Variants in KCNV2 observed in about 807,000 individuals in gnomAD.
KCNV2 encodes the protein potassium voltage-gated channel subfamily V member 2.
Under a neutral mutation model 37.0 loss-of-function variants are expected in KCNV2, and 65 were observed. The ratio of observed to expected loss-of-function variants is 1.76; its 90% CI spans 1.44 to 2.16. The LOEUF is 2.16. KCNV2 is among the 30% of genes most tolerant of loss of function. KCNV2 has a pLI of 0.00. For synonymous variants in KCNV2, 518 were observed against 328.6 expected, an observed-to-expected ratio of 1.58 and a Z score of -6.23; for missense variants, 1,232 against 766.7, an observed-to-expected ratio of 1.61 and a Z score of -7.17.
rs148096197 is a variant in KCNV2, at chr9:2,718,880, C to G, written c.1141C>G (p.Leu381Val). ...KVGQVLRVMR[L>V]MRIFRILKLA... The stretch of plus-strand genomic sequence containing the variant: ...GGGTCAGGTGTTGCGCGTCATGCGC[C>G]TCATGCGCATCTTCCGCATCCTCAA... The change falls in exon 1 of 2, where the codon CTC becomes GTC. Residue 381 changes from leucine (L) to valine (V), a missense_variant. Coordinates refer to ENST00000382082, the MANE Select transcript of KCNV2 (RefSeq NM_133497.4). 6.2e-7 allele frequency: 1 copy of G among 1,608,800 alleles called. No homozygotes were observed. The highest frequency in any genetic ancestry group is 1.3e-5 in the African/African-American group (1 of 74,950).
intron 1 of KCNV2, among the ~76,000 whole-genome samples, chr9:2,722,472 TAAGTTATTTATAAATAG>T (rs1182283545): frequency 7.3e-6 from 1 of 137,436 alleles, no homozygotes; most frequent in Non-Finnish European, 1.6e-5. Context: ...TATTTATAAA[TAAGTTATTTATAAATAG>T]AAGTTATTTA....
At chr9:2,727,516 G>A (rs554537263) in intron 1 of KCNV2, among the ~76,000 whole-genome samples, 1 of 152,122 alleles carries the variant, frequency 6.6e-6, no homozygotes, top group Non-Finnish European at 1.5e-5. Context: ...TCACCCCTTG[G>A]TCCAGAAGTT....
rs143109320 is a variant in KCNV2, at chr9:2,717,997, C to G, written c.258C>G (p.Pro86=). The G allele has an allele frequency of 2.2e-4, 361 of 1,613,892 alleles. 1 individual carries two copies. Among genetic ancestry groups the G allele is most frequent in the Non-Finnish European group, 2.8e-4 (327 of 1,179,984 alleles). ...QQAGEVTTAK[P]EGPSDPPALL... ...CAGGGGAGGTCACCACCGCCAAGCC[C>G]GAGGGCCCCAGCGACCCTCCGGCCC... is the stretch of plus-strand genomic sequence containing the variant. Residue 86 remains proline, a synonymous_variant, in exon 1 of 2, where the codon CCC becomes CCG. Coordinates refer to ENST00000382082, the MANE Select transcript of KCNV2 (RefSeq NM_133497.4).
rs1228713442 is a variant in KCNV2 at position 2,719,084 on chromosome 9, TGGTGGGCCGC to T, written c.1350_1356+3del. ...CTTCACTACCATCCCCCACTCCTGG[TGGTGGGCCGC>T]GGTGAGTACCTTTGCCCTGGGCTTT... On this transcript the variant is annotated frameshift_variant and splice_region_variant, in exon 1 of 2. Transcript: ENST00000382082. LOFTEE classifies it high-confidence loss of function. The T allele has an allele frequency of 6.2e-7, 1 of 1,610,342 alleles. No homozygotes were observed. Among genetic ancestry groups the T allele is most frequent in the East Asian group, 2.2e-5 (1 of 44,844 alleles).
rs1819753619 is a variant in KCNV2 at position 2,717,662 on chromosome 9, C to T, written c.-78C>T. The T allele has an allele frequency of 1.9e-6, 3 of 1,583,816 alleles. No homozygotes were observed. The highest frequency in any genetic ancestry group is 2.6e-6 in the Non-Finnish European group (3 of 1,154,320). ...AGACAGTGCAGGCCACGTGATCCAT[C>T]CTCCTAGAGGCAGTGAGCAGGTGAG... On this transcript the variant is annotated 5_prime_UTR_variant, in exon 1 of 2. Transcript: ENST00000382082.
At chr9:2,725,876 T>C (rs1459350387) in intron 1 of KCNV2, among the ~76,000 whole-genome samples, 1 of 152,230 alleles carries the variant, frequency 6.6e-6, no homozygotes, top group Admixed American at 6.5e-5. Context: ...TTGATGCTTA[T>C]CCTCATAATA....
intron 1 of KCNV2, among the ~76,000 whole-genome samples, chr9:2,719,385 T>C (rs1027039710): frequency 6.6e-6 from 1 of 152,206 alleles, no homozygotes; most frequent in East Asian, 1.9e-4. Flanking sequence ...TCATCATTAC[T>C]GTTATTTACC....
chr9:2,728,720 GAA>G, intron 1 of KCNV2, among the ~76,000 whole-genome samples: 1 of 152,056 alleles, frequency 6.6e-6, no homozygotes, highest in East Asian at 1.9e-4. Context: ...TAACAACTTT[GAA>G]AAGTGTTATA....
At position 2,718,738 on chromosome 9, in the gene KCNV2, C is replaced by A. The variant is rs946520647; in HGVS notation, c.999C>A (p.Ser333Arg). 1 of 1,612,178 alleles carries A rather than the reference C, an allele frequency of 6.2e-7. No homozygotes were observed. Among genetic ancestry groups the A allele is most frequent in the Middle Eastern group, 1.6e-4 (1 of 6,062 alleles). Residue 333 changes from serine to arginine, a missense_variant, in exon 1 of 2, where the codon AGC becomes AGA. Ser to Arg is a moderately radical substitution (Grantham distance 110). Transcript: ENST00000382082. The stretch of plus-strand genomic sequence containing the variant: ...CCGACCTGAGGCGCTTCGCGCGCAG[C>A]GCCCTCAACCTGGTGGACCTGGTGG... ...STPDLRRFAR[S>R]ALNLVDLVAI... is the part of the protein sequence containing the mutation.
chr9:2,722,578 T>TATAAATTAGAAGTTATTTATTTATAA lies in KCNV2; in HGVS notation c.1356+3524_1356+3549dup, dbSNP rs1412791772. On this transcript the variant is annotated intron_variant, in intron 1 of 1. Coordinates refer to ENST00000382082, the MANE Select transcript of KCNV2 (RefSeq NM_133497.4). ...ATAAATAAATTAGAAGTTATTTATT[T>TATAAATTAGAAGTTATTTATTTATAA]ATAAATTAGAAGTTATTTATTTATA... 3.3e-3 allele frequency among the ~76,000 whole-genome samples: 456 copies of TATAAATTAGAAGTTATTTATTTATAA among 139,212 alleles called. 6 individuals are homozygous for TATAAATTAGAAGTTATTTATTTATAA. The highest frequency in any genetic ancestry group is 3.1e-3 in the Non-Finnish European group (204 of 65,862). The allele number at this position is 139,212 out of a possible 152,430, so 91.3% of individuals were successfully genotyped here.
In KCNV2 at chr9:2,717,749, C is replaced by A; in HGVS notation, c.10C>A (p.Gln4Lys). The change falls in exon 1 of 2, where the codon CAG becomes AAG. Residue 4 changes from glutamine to lysine, a missense_variant. By Grantham distance (53) the Gln-to-Lys change is moderately conservative. Coordinates refer to ENST00000382082, the MANE Select transcript of KCNV2 (RefSeq NM_133497.4). MLKQSERRRSWSYR... is the reference protein window; with the variant it reads MLKKSERRRSWSYR... ...TCCACTTTCCGCAGCCATGCTCAAA[C>A]AGAGTGAGAGGAGACGGTCCTGGAG... 2 of 1,614,204 alleles carry A rather than the reference C, an allele frequency of 1.2e-6. No homozygotes were observed. Among genetic ancestry groups the A allele is most frequent in the East Asian group, 4.5e-5 (2 of 44,874 alleles).
At chr9:2,725,829 T>C (rs1819959769) in intron 1 of KCNV2, among the ~76,000 whole-genome samples, 1 of 152,224 alleles carries the variant, frequency 6.6e-6, no homozygotes, top group Non-Finnish European at 1.5e-5. Context: ...TCTTGTTAAA[T>C]GAGAAATCCA....
At chr9:2,722,455 TAGA>T (rs1441326096) in intron 1 of KCNV2, among the ~76,000 whole-genome samples, 1 of 134,776 alleles carries the variant, frequency 7.4e-6, no homozygotes, top group East Asian at 2.1e-4. Context: ...TATTTATAAA[TAGA>T]AGTTATTTAT....
chr9:2,718,678 C>CA lies in KCNV2; in HGVS notation c.940dup (p.Thr314AsnfsTer58), dbSNP rs1179804775. On this transcript the variant is annotated frameshift_variant, in exon 1 of 2. Transcript: ENST00000382082. LOFTEE classifies it high-confidence loss of function. ...TGGAGATGCTGTGCATGGGCTTCTT[C>CA]ACGCTCGAGTACCTGCTGCGCCTAG... 1.2e-6 allele frequency: 2 copies of CA among 1,613,272 alleles called. No individual in the cohort carries two copies. The highest frequency in any genetic ancestry group is 1.7e-6 in the Non-Finnish European group (2 of 1,179,856).
At position 2,717,956 on chromosome 9, in the gene KCNV2, G is replaced by T. The variant is rs752013234; in HGVS notation, c.217G>T (p.Glu73Ter). The T allele has an allele frequency of 1.2e-6, 2 of 1,613,944 alleles. No individual in the cohort carries two copies. The highest frequency in any genetic ancestry group is 8.5e-7 in the Non-Finnish European group (1 of 1,179,942). Residue 73 changes from glutamate to a stop codon, truncating the protein, a stop_gained, in exon 1 of 2, where the codon GAA becomes TAA. Transcript: ENST00000382082. LOFTEE classifies it high-confidence loss of function. ...GGACCAGTGGAAGGACGACCTGGCA[G>T]AAGAGGACCAGCAGGCAGGGGAGGT... Reference protein sequence around the residue: ...EEDQWKDDLAEEDQQAGEVTT... With the variant: ...EEDQWKDDLA
Position 2,718,067 on chromosome 9 carries a change from C to A in KCNV2, c.328C>A (p.Leu110Met), listed in dbSNP as rs372942165. 3 of 1,605,474 alleles carry A rather than the reference C, an allele frequency of 1.9e-6. No homozygotes were observed. The highest frequency in any genetic ancestry group is 2.7e-5 in the African/African-American group (2 of 74,980). Residue 110 changes from leucine to methionine, a missense_variant, in exon 1 of 2, where the codon CTG becomes ATG. Coordinates refer to ENST00000382082, the MANE Select transcript of KCNV2 (RefSeq NM_133497.4). ...GAACGTGGGTGGCCACAGCTACCAGCTGGACTACTGCGAGCTGGCCGGCTT... is the reference window on the plus strand; with the variant it reads ...GAACGTGGGTGGCCACAGCTACCAGATGGACTACTGCGAGCTGGCCGGCTT... ...NVNVGGHSYQLDYCELAGFPK... is the reference protein window; with the variant it reads ...NVNVGGHSYQMDYCELAGFPK...
In KCNV2 at chr9:2,718,800, G is replaced by A. The variant is rs1457653899; in HGVS notation, c.1061G>A (p.Cys354Tyr). ...LPLYLQLLLE[C>Y]FTGEGHQRGQ... is the part of the protein sequence containing the mutation. Reference sequence around the variant, plus strand: ...CTCTACCTTCAGCTGCTGCTCGAGTGCTTCACGGGCGAGGGCCACCAACGC... The same window carrying A: ...CTCTACCTTCAGCTGCTGCTCGAGTACTTCACGGGCGAGGGCCACCAACGC... Residue 354 changes from cysteine (C) to tyrosine (Y), a missense_variant, in exon 1 of 2, where the codon TGC becomes TAC. By Grantham distance (194) the Cys-to-Tyr change is radical. Transcript: ENST00000382082. 2 of 1,610,498 alleles carry A rather than the reference G, an allele frequency of 1.2e-6. No individual in the cohort carries two copies. The highest frequency in any genetic ancestry group is 2.2e-5 in the East Asian group (1 of 44,878).
At chr9:2,720,220 C>T (rs995670949) in intron 1 of KCNV2, among the ~76,000 whole-genome samples, 4 of 152,206 alleles carry the variant, frequency 2.6e-5, no homozygotes, top group Non-Finnish European at 4.4e-5. Context: ...ACTGACAGTG[C>T]AATGCAGCAT....
chr9:2,718,612 G>A lies in KCNV2; in HGVS notation c.873G>A (p.Gln291=), dbSNP rs139044338. ...TVEEMQQHSG[Q]GEGGPDLRPI... is the part of the protein sequence containing the mutation. ...AGGAGATGCAGCAGCACTCGGGGCAGGGCGAGGGCGGCCCAGACCTGCGGC... is the reference window on the plus strand; with the variant it reads ...AGGAGATGCAGCAGCACTCGGGGCAAGGCGAGGGCGGCCCAGACCTGCGGC... Residue 291 remains glutamine, a synonymous_variant, in exon 1 of 2, where the codon CAG becomes CAA. Transcript: ENST00000382082. 2 of 1,613,112 alleles carry A rather than the reference G, an allele frequency of 1.2e-6. No individual in the cohort carries two copies. Among genetic ancestry groups the A allele is most frequent in the African/African-American group, 1.3e-5 (1 of 75,066 alleles).
Sources: gnomAD v4.1 joint callset for allele counts (sites outside exome capture counted in the v4.1 genomes callset) on GRCh38, gnomAD v4.1.1 for gene constraint, MANE v1.5 for transcripts, NCBI Gene and HGNC (gene_info 2026-07-23, HGNC 2026-07-21) for gene names.